The following LRRC4C variants were observed in gnomAD, a reference collection of about 807,000 sequenced individuals.
LRRC4C encodes leucine-rich repeat-containing protein 4C.
In LRRC4C, 5 loss-of-function variants were observed where a neutral mutation model predicts 33.6. The observed-to-expected ratio is 0.15, with a 90% confidence interval of 0.08 to 0.31. LRRC4C has a LOEUF of 0.31. Ranked by LOEUF, LRRC4C falls within the 10% of genes least tolerant of loss-of-function variation. The pLI is 1.00. For missense variants in LRRC4C, 560 were observed against 796.7 expected, an observed-to-expected ratio of 0.70 and a Z score of 3.58; for synonymous variants, 329 against 302.0, an observed-to-expected ratio of 1.09 and a Z score of -0.93.
rs536852677 is a variant in LRRC4C, at chr11:40,255,775, C to A, written c.-175-14177G>T. 7.9e-5 allele frequency among the ~76,000 whole-genome samples: 12 copies of A among 152,232 alleles called. No homozygotes were observed. In the South Asian group the frequency reaches 2.5e-3, roughly 32 times the overall value. ...TGATGAAGAAGAATCACTTTCCACC[C>A]AAATACAAAATATTTTGGTATAAAA... On this transcript the variant is annotated intron_variant, in intron 4 of 6. Transcript: ENST00000528697.
intron 2 of LRRC4C, among the ~76,000 whole-genome samples, chr11:40,809,576 A>T (rs1348381009): frequency 6.6e-6 from 1 of 151,950 alleles, no homozygotes; most frequent in African/African-American, 2.4e-5. Context: ...TCATTCATTT[A>T]CTGTCTGTTT....
intron 1 of LRRC4C, among the ~76,000 whole-genome samples, chr11:41,151,319 T>G (rs183466621): frequency 6.6e-6 from 1 of 152,182 alleles, no homozygotes; most frequent in Non-Finnish European, 1.5e-5. Context: ...AAAAGGTAGA[T>G]AAAGCACAGC....
At chr11:41,195,621 G>T (rs963990827) in intron 1 of LRRC4C, among the ~76,000 whole-genome samples, 2 of 151,876 alleles carry the variant, frequency 1.3e-5, no homozygotes, top group African/African-American at 4.8e-5. Context: ...ACTTAGAGAT[G>T]ATATGTCTAT....
chr11:40,186,683 C>T (rs1027575418), intron 5 of LRRC4C, among the ~76,000 whole-genome samples: 13 of 152,102 alleles, frequency 8.5e-5, no homozygotes, highest in African/African-American at 7.2e-5. Flanking sequence ...ACTAGGCTGT[C>T]GGGCTCAGCA....
intron 1 of LRRC4C, among the ~76,000 whole-genome samples, chr11:41,266,588 G>T (rs1246656854): frequency 6.6e-6 from 1 of 152,140 alleles, no homozygotes; most frequent in Non-Finnish European, 1.5e-5. Flanking sequence ...CAAAATTAAA[G>T]AGAATGAAAT....
chr11:41,437,274 G>C (rs886481369), intron 1 of LRRC4C, among the ~76,000 whole-genome samples: 2 of 152,162 alleles, frequency 1.3e-5, no homozygotes, highest in Non-Finnish European at 2.9e-5. Context: ...TGTCAACGTA[G>C]TTAGTTGTAC....
At chr11:40,459,796 C>T (rs924048470) in intron 3 of LRRC4C, among the ~76,000 whole-genome samples, 3 of 152,086 alleles carry the variant, frequency 2.0e-5, no homozygotes, top group South Asian at 4.1e-4. Flanking sequence ...AATGAGGGGT[C>T]CTTGTTGTTG....
At chr11:40,704,146 G>T (rs148524471) in intron 2 of LRRC4C, among the ~76,000 whole-genome samples, 38 of 152,222 alleles carry the variant, frequency 2.5e-4, no homozygotes, top group African/African-American at 8.7e-4. Flanking sequence ...ATTGTATTAG[G>T]TATTATAAGT....
intron 3 of LRRC4C, among the ~76,000 whole-genome samples, chr11:40,483,148 T>G (rs975048267): frequency 6.6e-6 from 1 of 152,116 alleles, no homozygotes; most frequent in African/African-American, 2.4e-5. Flanking sequence ...AAGTGACGCA[T>G]CTCTGGCTGG....
chr11:40,465,063 A>G (rs958521962), intron 3 of LRRC4C, among the ~76,000 whole-genome samples: 1 of 152,026 alleles, frequency 6.6e-6, no homozygotes, highest in African/African-American at 2.4e-5. Context: ...TTCAACCTGT[A>G]CTACTAGAAT....
chr11:40,460,978 C>G (rs10501234), intron 3 of LRRC4C, among the ~76,000 whole-genome samples: 6,207 of 152,234 alleles, frequency 0.041, 412 homozygotes, highest in African/African-American at 0.14. Flanking sequence ...AAACTCAAAT[C>G]CTAAATCTCA....
intron 1 of LRRC4C, among the ~76,000 whole-genome samples, chr11:41,310,231 T>A (rs1044400705): frequency 2.6e-5 from 4 of 152,258 alleles, no homozygotes; most frequent in African/African-American, 9.6e-5. Context: ...CATCTCATCT[T>A]AAATATTCTT....
chr11:40,603,260 AG>A (rs1326479197), intron 3 of LRRC4C, among the ~76,000 whole-genome samples: 2 of 152,242 alleles, frequency 1.3e-5, no homozygotes, highest in Admixed American at 6.5e-5. Flanking sequence ...TGATTACCAA[AG>A]GAATTAGCAT....
At chr11:40,763,923 C>T (rs1949338373) in intron 2 of LRRC4C, among the ~76,000 whole-genome samples, 1 of 152,142 alleles carries the variant, frequency 6.6e-6, no homozygotes, top group Admixed American at 6.5e-5. Context: ...TGGCTCTGTA[C>T]TGGGCTCAGA....
chr11:40,848,989 A>G (rs904427524), intron 2 of LRRC4C, among the ~76,000 whole-genome samples: 5 of 151,870 alleles, frequency 3.3e-5, no homozygotes, highest in Admixed American at 1.3e-4. Context: ...TTTGCTTTCC[A>G]TTTGCTTGGT....
At chr11:40,219,585 A>G (rs1355868798) in intron 5 of LRRC4C, among the ~76,000 whole-genome samples, 1 of 152,190 alleles carries the variant, frequency 6.6e-6, no homozygotes, top group African/African-American at 2.4e-5. Flanking sequence ...GCCAGTTGCC[A>G]TGACAGGGAT....
intron 4 of LRRC4C, among the ~76,000 whole-genome samples, chr11:40,242,105 G>T (rs1007062222): frequency 2.0e-5 from 3 of 152,154 alleles, no homozygotes; most frequent in African/African-American, 7.2e-5. Context: ...ACCTAAAAAG[G>T]AACTCCAGTC....
chr11:40,560,650 AAG>A (rs1442552917), intron 3 of LRRC4C, among the ~76,000 whole-genome samples: 1 of 152,202 alleles, frequency 6.6e-6, no homozygotes, highest in Non-Finnish European at 1.5e-5. Context: ...TTGAAACTGA[AAG>A]AGCTGTGTTT....
At chr11:41,374,385 T>G (rs1450174310) in intron 1 of LRRC4C, among the ~76,000 whole-genome samples, 1 of 152,158 alleles carries the variant, frequency 6.6e-6, no homozygotes, top group Non-Finnish European at 1.5e-5. Flanking sequence ...AAAAAAAACT[T>G]TTGTTCCAAG....
Sources: allele counts gnomAD v4.1 joint callset (sites outside exome capture counted in the v4.1 genomes callset), GRCh38; gene constraint gnomAD v4.1.1; transcripts MANE v1.5; gene names NCBI Gene and HGNC (gene_info 2026-07-23, HGNC 2026-07-21).